Variants in HDAC9 observed in about 807,000 individuals in gnomAD.
HDAC9 encodes MEF-2 interacting transcription repressor (MITR) protein.
HDAC9 carries 41 observed loss-of-function variants against 139.4 expected under a neutral mutation model. That is an observed-to-expected ratio of 0.29 (90% CI 0.23 to 0.38). The LOEUF is 0.38. Among genes scored for constraint, HDAC9 ranks in the 10% least tolerant of loss-of-function variants. The pLI is 1.00. For missense variants in HDAC9, 1,147 were observed against 1,297.0 expected (o/e 0.88, Z 1.78); for synonymous variants, 517 against 476.2 (o/e 1.09, Z -1.12).
At chr7:18,190,628 G>GA (rs1249535930) in intron 2 of HDAC9, among the ~76,000 whole-genome samples, 1 of 152,098 alleles carries the variant, frequency 6.6e-6, no homozygotes, top group Non-Finnish European at 1.5e-5. Flanking sequence ...AGTTGGAGTG[G>GA]AAAACGTTTC....
chr7:18,400,492 G>T (rs1787439630), intron 1 of HDAC9, among the ~76,000 whole-genome samples: 1 of 152,182 alleles, frequency 6.6e-6, no homozygotes, highest in Non-Finnish European at 1.5e-5. Context: ...CCTCCCACCA[G>T]ATGACTTCTT....
intron 1 of HDAC9, among the ~76,000 whole-genome samples, chr7:18,483,691 A>C (rs1024045511): frequency 8.5e-5 from 13 of 152,204 alleles, no homozygotes; most frequent in African/African-American, 3.1e-4. Context: ...AAGTCATTTA[A>C]AATTTTTACA....
intron 2 of HDAC9, among the ~76,000 whole-genome samples, chr7:18,181,078 C>G (rs1562716864): frequency 6.6e-6 from 1 of 152,190 alleles, no homozygotes; most frequent in Non-Finnish European, 1.5e-5. Flanking sequence ...CTCCCCATCT[C>G]AGAACCTTTA....
intron 22 of HDAC9, among the ~76,000 whole-genome samples, chr7:18,887,327 C>T (rs1475037885): frequency 1.3e-5 from 2 of 152,188 alleles, no homozygotes; most frequent in African/African-American, 4.8e-5. Flanking sequence ...GATGCTGATA[C>T]TCCTGATCTA....
chr7:18,541,736 T>G lies in HDAC9; in HGVS notation c.23-43545T>G, dbSNP rs557938891. Among the ~76,000 whole-genome samples, 4 of 152,340 alleles carry G rather than the reference T, an allele frequency of 2.6e-5. No homozygotes were observed. In the East Asian group the frequency reaches 7.7e-4, roughly 29 times the overall value. On this transcript the variant is annotated intron_variant, in intron 2 of 25. Coordinates refer to ENST00000686413, the MANE Select transcript of HDAC9 (RefSeq NM_178425.4). ...AATTATGTGTTTAAATGTTCAGATT[T>G]TATAGTCTATTTAATCCTGTAAATC...
rs1470705720 is a variant in HDAC9, at chr7:18,177,152, A to G, written c.25+14803A>G. Among the ~76,000 whole-genome samples, 3 of 152,306 alleles carry G rather than the reference A, an allele frequency of 2.0e-5. No individual in the cohort carries two copies. The East Asian group carries it at 5.8e-4, about 29-fold the overall frequency. On this transcript the variant is annotated intron_variant, in intron 2 of 12. Transcript: ENST00000417496. Reference sequence around the variant, plus strand: ...TTTTTCTTTTATTCTGCCTAAGTCCAGAAAAGATTTGGGGTCTATATAAGT... The same window carrying G: ...TTTTTCTTTTATTCTGCCTAAGTCCGGAAAAGATTTGGGGTCTATATAAGT...
At chr7:18,184,767 A>C (rs1789773215) in intron 2 of HDAC9, among the ~76,000 whole-genome samples, 1 of 152,228 alleles carries the variant, frequency 6.6e-6, no homozygotes, top group Admixed American at 6.5e-5. Context: ...GGTGTAGGGT[A>C]TTGAATAAAA....
At chr7:18,673,380 A>G (rs1795775020) in intron 12 of HDAC9, among the ~76,000 whole-genome samples, 1 of 152,070 alleles carries the variant, frequency 6.6e-6, no homozygotes, top group Non-Finnish European at 1.5e-5. Context: ...CTCTGTCCAA[A>G]CTAGTAGCCA....
chr7:18,795,278 A>G (rs958369525), intron 17 of HDAC9, among the ~76,000 whole-genome samples: 17 of 150,362 alleles, frequency 1.1e-4, no homozygotes, highest in African/African-American at 3.2e-4. Context: ...AAAAAAAAAA[A>G]AAAAAAAGAA....
intron 11 of HDAC9, among the ~76,000 whole-genome samples, chr7:18,658,899 C>CAAAAAAAAAAAAAAAAACAAAA (rs11306117): frequency 8.5e-6 from 1 of 118,156 alleles, no homozygotes; most frequent in African/African-American, 2.8e-5. Flanking sequence ...AAAAAAAAAG[C>CAAAAAAAAAAAAAAAAACAAAA]AAAAAAAAAA....
intron 13 of HDAC9, among the ~76,000 whole-genome samples, chr7:18,736,476 G>C (rs1239514185): frequency 6.6e-6 from 1 of 152,150 alleles, no homozygotes; most frequent in Non-Finnish European, 1.5e-5. Context: ...GGCCTTTTCT[G>C]CATCTATTGA....
chr7:18,860,535 G>T (rs1562997834), intron 21 of HDAC9, among the ~76,000 whole-genome samples: 1 of 152,096 alleles, frequency 6.6e-6, no homozygotes, highest in Non-Finnish European at 1.5e-5. Flanking sequence ...TATCCAGTTG[G>T]TCTTAATATA....
intron 1 of HDAC9, among the ~76,000 whole-genome samples, chr7:18,323,267 A>G (rs1426470686): frequency 1.1e-4 from 16 of 152,026 alleles, no homozygotes. Context: ...ACCCACGACT[A>G]TTTCTCACCA....
At chr7:18,374,907 G>A (rs1784872605) in intron 1 of HDAC9, among the ~76,000 whole-genome samples, 1 of 152,056 alleles carries the variant, frequency 6.6e-6, no homozygotes, top group Non-Finnish European at 1.5e-5. Context: ...ATGTCATAGT[G>A]TAAAGCATTC....
At chr7:18,612,584 A>G (rs1278143609) in intron 6 of HDAC9, among the ~76,000 whole-genome samples, 1 of 152,108 alleles carries the variant, frequency 6.6e-6, no homozygotes. Context: ...ACAGAATTCA[A>G]TGATGAAGAA....
At chr7:18,305,556 C>T (rs948580230) in intron 1 of HDAC9, among the ~76,000 whole-genome samples, 3 of 152,080 alleles carry the variant, frequency 2.0e-5, no homozygotes, top group Non-Finnish European at 4.4e-5. Context: ...AGAAACATAA[C>T]TCAAAGCTAA....
intron 12 of HDAC9, among the ~76,000 whole-genome samples, chr7:18,692,700 A>G (rs1473972262): frequency 6.6e-6 from 1 of 152,096 alleles, no homozygotes; most frequent in African/African-American, 2.4e-5. Context: ...TCATGTGGCT[A>G]AGTTTACTTG....
intron 1 of HDAC9, among the ~76,000 whole-genome samples, chr7:18,329,732 G>A (rs1247776253): frequency 6.6e-6 from 1 of 151,676 alleles, no homozygotes; most frequent in Non-Finnish European, 1.5e-5. Flanking sequence ...TCCAGATTAT[G>A]TCTTTTGAAG....
intron 2 of HDAC9, among the ~76,000 whole-genome samples, chr7:18,512,814 T>C (rs930469515): frequency 1.3e-5 from 2 of 152,166 alleles, no homozygotes; most frequent in Non-Finnish European, 2.9e-5. Context: ...ATTCCAGAAA[T>C]TCAAATATAC....
Sources: gnomAD v4.1 joint callset for allele counts (sites outside exome capture counted in the v4.1 genomes callset) on GRCh38, gnomAD v4.1.1 for gene constraint, MANE v1.5 for transcripts, NCBI Gene and HGNC (gene_info 2026-07-23, HGNC 2026-07-21) for gene names.